The following TBC1D5 variants were observed in gnomAD, a reference collection of about 807,000 sequenced individuals.
TBC1D5 encodes the protein TBC1 domain family member 5, also known as TBC1 domain family, member 5.
A neutral mutation model predicts 100.3 loss-of-function variants in TBC1D5; 75 were observed. The ratio of observed to expected loss-of-function variants is 0.75; its 90% CI spans 0.62 to 0.91. The LOEUF (loss-of-function observed/expected upper bound fraction) is 0.91, where lower values mean the gene tolerates loss of function less well. Among genes scored for constraint, TBC1D5 ranks in the 40% least tolerant of loss-of-function variants. The pLI is 0.00. For missense variants in TBC1D5, 910 were observed against 942.4 expected, an observed-to-expected ratio of 0.97 and a Z score of 0.45; for synonymous variants, 323 against 325.6, an observed-to-expected ratio of 0.99 and a Z score of 0.09.
intron 3 of TBC1D5, among the ~76,000 whole-genome samples, chr3:17,438,795 G>A (rs1575946595): frequency 6.6e-6 from 1 of 151,934 alleles, no homozygotes; most frequent in African/African-American, 2.4e-5. Flanking sequence ...CCTTACTACA[G>A]TCCAACAAAA....
chr3:17,529,755 T>G (rs1576535315), intron 2 of TBC1D5, among the ~76,000 whole-genome samples: 1 of 151,904 alleles, frequency 6.6e-6, no homozygotes, highest in Non-Finnish European at 1.5e-5. Flanking sequence ...CAAGCAATCC[T>G]CCTGCCTCAG....
chr3:17,378,515 C>T (rs2092801283), intron 9 of TBC1D5, among the ~76,000 whole-genome samples: 1 of 151,848 alleles, frequency 6.6e-6, no homozygotes, highest in Non-Finnish European at 1.5e-5. Context: ...TGCCCTTTTT[C>T]TCCTCATGAA....
chr3:17,189,841 T>C (rs1229201987), intron 18 of TBC1D5, among the ~76,000 whole-genome samples: 1 of 152,248 alleles, frequency 6.6e-6, no homozygotes, highest in Non-Finnish European at 1.5e-5. Flanking sequence ...TGCTGAGCCC[T>C]AATGCCAAAT....
intron 1 of TBC1D5, among the ~76,000 whole-genome samples, chr3:17,710,488 C>T (rs1560528905): frequency 1.3e-5 from 2 of 151,730 alleles, no homozygotes. Flanking sequence ...CACTTGAACC[C>T]GGGAGGCGGA....
intron 8 of TBC1D5, among the ~76,000 whole-genome samples, chr3:17,396,393 G>T (rs2093505331): frequency 6.6e-6 from 1 of 151,748 alleles, no homozygotes; most frequent in Non-Finnish European, 1.5e-5. Flanking sequence ...ATTCTGCTCT[G>T]AAATTGCTTG....
intron 2 of TBC1D5, among the ~76,000 whole-genome samples, chr3:17,615,643 A>T (rs887009010): frequency 6.6e-6 from 1 of 152,074 alleles, no homozygotes; most frequent in South Asian, 2.1e-4. Flanking sequence ...GAATTCATCC[A>T]TTTCTTCTAG....
intron 14 of TBC1D5, among the ~76,000 whole-genome samples, chr3:17,304,450 C>T (rs1355624033): frequency 6.6e-6 from 1 of 152,180 alleles, no homozygotes; most frequent in Non-Finnish European, 1.5e-5. Context: ...CTGTCACCCA[C>T]ACTCTGGAGT....
intron 13 of TBC1D5, among the ~76,000 whole-genome samples, chr3:17,328,001 G>A (rs992801865): frequency 1.8e-4 from 28 of 152,126 alleles, no homozygotes; most frequent in Middle Eastern, 3.2e-3. Context: ...AGGCATGGTG[G>A]CTAACACCTG....
chr3:17,702,867 C>A (rs2073406369), intron 1 of TBC1D5, among the ~76,000 whole-genome samples: 1 of 152,012 alleles, frequency 6.6e-6, no homozygotes, highest in South Asian at 2.1e-4. Flanking sequence ...AATTGTCATC[C>A]ATACTTAATC....
chr3:17,219,158 C>G (rs1025527699), intron 17 of TBC1D5, among the ~76,000 whole-genome samples: 2 of 150,468 alleles, frequency 1.3e-5, no homozygotes, highest in Non-Finnish European at 3.0e-5. Flanking sequence ...ATTCCAAGTT[C>G]TGATTCTTTG....
chr3:17,172,265 C>T (rs1033331267), intron 19 of TBC1D5, among the ~76,000 whole-genome samples: 2 of 152,230 alleles, frequency 1.3e-5, no homozygotes, highest in Admixed American at 6.5e-5. Context: ...ACTAAGAGTA[C>T]TGACCATGTA....
At chr3:17,433,840 G>T (rs1224682429) in intron 3 of TBC1D5, among the ~76,000 whole-genome samples, 3 of 152,088 alleles carry the variant, frequency 2.0e-5, no homozygotes, top group African/African-American at 7.2e-5. Flanking sequence ...GATACAATGG[G>T]GGTACAGGCA....
intron 2 of TBC1D5, among the ~76,000 whole-genome samples, chr3:17,533,357 T>C (rs759677206): frequency 5.3e-5 from 8 of 152,328 alleles, no homozygotes; most frequent in Non-Finnish European, 1.2e-4. Context: ...CTTAGTTTGT[T>C]TGCTTGAGGA....
intron 1 of TBC1D5, among the ~76,000 whole-genome samples, chr3:17,672,279 T>C (rs1257167995): frequency 6.6e-6 from 1 of 152,226 alleles, no homozygotes; most frequent in African/African-American, 2.4e-5. Context: ...ACTTACATTA[T>C]ACAATTTTTT....
intron 2 of TBC1D5, among the ~76,000 whole-genome samples, chr3:17,536,936 G>C (rs551846089): frequency 1.6e-4 from 24 of 152,134 alleles, no homozygotes; most frequent in South Asian, 4.1e-4. Context: ...AGAGTTAGCA[G>C]CCTTCTAAGA....
chr3:17,734,842 T>C (rs11128852), intron 1 of TBC1D5, among the ~76,000 whole-genome samples: 76,125 of 151,840 alleles, frequency 0.5, 20,661 homozygotes, highest in East Asian at 0.96. Context: ...TCCAAACACT[T>C]TGGGAGGCCG....
At chr3:17,742,263 G>A (rs1038770647), upstream of TBC1D5, among the ~76,000 whole-genome samples, 7 of 152,272 alleles carry the variant, frequency 4.6e-5, no homozygotes, top group South Asian at 2.1e-4. Flanking sequence ...GGGCGGTGCG[G>A]CAACCCGTCC....
intron 3 of TBC1D5, among the ~76,000 whole-genome samples, chr3:17,454,663 T>C (rs2095014168): frequency 1.3e-5 from 2 of 152,238 alleles, no homozygotes; most frequent in Admixed American, 6.5e-5. Flanking sequence ...GGTTTCACCA[T>C]GTTAGCCAGG....
intron 18 of TBC1D5, among the ~76,000 whole-genome samples, chr3:17,200,592 C>T (rs190404855): frequency 1.1e-4 from 16 of 152,310 alleles, no homozygotes; most frequent in Non-Finnish European, 2.1e-4. Flanking sequence ...TTCCGTGAAA[C>T]GGTCCCTGGT....
Sources: allele counts gnomAD v4.1 joint callset (sites outside exome capture counted in the v4.1 genomes callset), GRCh38; gene constraint gnomAD v4.1.1; transcripts MANE v1.5; gene names NCBI Gene and HGNC (gene_info 2026-07-23, HGNC 2026-07-21).